The following SPAG9 variants were observed in gnomAD, a reference collection of about 807,000 sequenced individuals.
SPAG9 encodes the protein C-Jun-amino-terminal kinase-interacting protein 4.
SPAG9 carries 35 observed loss-of-function variants against 166.5 expected under a neutral mutation model. The ratio of observed to expected loss-of-function variants is 0.21; its 90% CI spans 0.16 to 0.28. The LOEUF (loss-of-function observed/expected upper bound fraction) is 0.28. SPAG9 is among the 10% of genes least tolerant of loss of function. The probability of loss-of-function intolerance (pLI) is 1.00; values close to 1 mark genes in which losing one functional copy is unlikely to be tolerated. For synonymous variants in SPAG9, 534 were observed against 565.5 expected (o/e 0.94, Z 0.79); for missense variants, 1,235 against 1,603.3 (o/e 0.77, Z 3.92).
chr17:51,095,974 G>GATATATATATAGTGAT (rs2048620514), intron 1 of SPAG9, among the ~76,000 whole-genome samples: 1 of 84,562 alleles, frequency 1.2e-5, no homozygotes, highest in African/African-American at 4.4e-5. Flanking sequence ...TATATATAGT[G>GATATATATATAGTGAT]ATATATATAT....
chr17:51,087,633 T>C (rs1383212751), intron 1 of SPAG9, among the ~76,000 whole-genome samples: 2 of 152,188 alleles, frequency 1.3e-5, no homozygotes, highest in African/African-American at 2.4e-5. Context: ...TCAGAGATCT[T>C]AGTTGGGCTG....
chr17:51,120,729 C>A lies in SPAG9; in HGVS notation c.-73G>T. The A allele has an allele frequency of 7.3e-7, 1 of 1,369,964 alleles. No homozygotes were observed. The allele number at this position is 1,369,964 out of a possible 1,614,324, so 84.9% of individuals were successfully genotyped here. A position where few individuals can be genotyped will look rare whatever the true frequency, so the allele number is the denominator to read the frequency against. ...GCGGCACCTGCCCGCACGGGACGGA[C>A]CCGACTCGGGCTGGGACGGGTACTA... On this transcript the variant is annotated 5_prime_UTR_variant, in exon 1 of 30. Coordinates refer to ENST00000262013, the MANE Select transcript of SPAG9 (RefSeq NM_001130528.3). This position sits in a 1 kb window ranked among gnomAD's most constrained non-coding sequence, Gnocchi z 4.7.
intron 9 of SPAG9, among the ~76,000 whole-genome samples, 189 bp downstream of exon 9, chr17:51,014,043 C>T (rs1173208760): frequency 1.3e-5 from 2 of 152,096 alleles, no homozygotes; most frequent in African/African-American, 4.8e-5. Flanking sequence ...TTTAAGCATA[C>T]CCATATGCAA....
chr17:51,108,837 AT>A (rs935654154), intron 1 of SPAG9, among the ~76,000 whole-genome samples: 118 of 150,154 alleles, frequency 7.9e-4, no homozygotes, highest in Non-Finnish European at 1.5e-3. Context: ...ATTTATTTTT[AT>A]TTTTTTTTGA....
At chr17:51,030,162 T>C (rs1162259158) in intron 6 of SPAG9, among the ~76,000 whole-genome samples, 1 of 152,228 alleles carries the variant, frequency 6.6e-6, no homozygotes, top group Non-Finnish European at 1.5e-5. Flanking sequence ...CTTAGTGCTA[T>C]ACAGAATATA....
rs1189742367 is a variant in SPAG9 at position 51,046,900 on chromosome 17, G to A, written c.590+475C>T. On this transcript the variant is annotated intron_variant, in intron 4 of 29. Transcript: ENST00000262013. The stretch of plus-strand genomic sequence containing the variant: ...ATGCAGCAACCCCAAGCGACAGCCA[G>A]CCTATTAACTATTTTCCCCTCCACT... The A allele has an allele frequency of 2.0e-6, 3 of 1,511,828 alleles. No homozygotes were observed. The Admixed American group carries it at 6.0e-5, about 30-fold the overall frequency. 93.7% of individuals were successfully genotyped at this position (1,511,828 alleles called of 1,614,324 possible).
In SPAG9 at chr17:50,979,926, G is replaced by T. The variant is rs376947754; in HGVS notation, c.3238-9C>A. On this transcript the variant is annotated splice_polypyrimidine_tract_variant and intron_variant, in intron 25 of 29. Coordinates refer to ENST00000262013, the MANE Select transcript of SPAG9 (RefSeq NM_001130528.3). ...TGTGCATCAAAAGATTTCTAGGAGA[G>T]ATTGTCCAATCACAAAGTTACTTTT... 360 of 1,605,762 alleles carry T rather than the reference G, an allele frequency of 2.2e-4. No homozygotes were observed. The highest frequency in any genetic ancestry group is 3.0e-4 in the Non-Finnish European group (353 of 1,172,898).
intron 24 of SPAG9, among the ~76,000 whole-genome samples, chr17:50,984,365 GA>G (rs1245142881): frequency 2.0e-5 from 3 of 152,078 alleles, no homozygotes; most frequent in Admixed American, 6.5e-5. Context: ...GTATATGAAT[GA>G]AAAACAAATG....
chr17:51,055,389 G>C (rs576678514), intron 3 of SPAG9, among the ~76,000 whole-genome samples: 10 of 152,024 alleles, frequency 6.6e-5, no homozygotes, highest in African/African-American at 2.2e-4. Flanking sequence ...ACAGAATATA[G>C]CTACAATATA....
intron 3 of SPAG9, among the ~76,000 whole-genome samples, chr17:51,053,977 C>T (rs1315617146): frequency 7.0e-6 from 1 of 142,202 alleles, no homozygotes; most frequent in Non-Finnish European, 1.5e-5. Context: ...ATTGTTTAGG[C>T]ACTGAGATGA....
chr17:51,020,179 G>A lies in SPAG9; in HGVS notation c.1071C>T (p.Leu357=). The A allele has an allele frequency of 6.2e-7, 1 of 1,611,044 alleles. No individual in the cohort carries two copies. The highest frequency in any genetic ancestry group is 8.5e-7 in the Non-Finnish European group (1 of 1,177,324). Residue 357 remains leucine, a synonymous_variant, in exon 8 of 30, where the codon CTC becomes CTT. Coordinates refer to ENST00000262013, the MANE Select transcript of SPAG9 (RefSeq NM_001130528.3). ...GTTACCTTGAACCTTTATATCCACTGAGATCTTTGTCCATATCCAGCTCAG... is the reference window on the plus strand; with the variant it reads ...GTTACCTTGAACCTTTATATCCACTAAGATCTTTGTCCATATCCAGCTCAG... ...STPELDMDKD[L]SGYKGSSTPT... is the part of the protein sequence containing the mutation.
In SPAG9 at chr17:51,004,189, T is replaced by C. The variant is rs1421523683; in HGVS notation, c.1476+1023A>G. Among the ~76,000 whole-genome samples the C allele has an allele frequency of 2.0e-5, 3 of 152,140 alleles. No homozygotes were observed. In the East Asian group the frequency reaches 5.8e-4, roughly 29 times the overall value. Reference sequence around the variant, plus strand: ...TTTTAAGTTAAGCAAATGATAAATATAGGATAGCAGCTTTCTCTGCAGGGG... The same window carrying C: ...TTTTAAGTTAAGCAAATGATAAATACAGGATAGCAGCTTTCTCTGCAGGGG... On this transcript the variant is annotated intron_variant, in intron 12 of 29. Coordinates refer to ENST00000262013, the MANE Select transcript of SPAG9 (RefSeq NM_001130528.3).
In SPAG9 at chr17:51,065,872, A is replaced by G. The variant is rs2047648476; in HGVS notation, c.425-9390T>C. On this transcript the variant is annotated intron_variant, in intron 2 of 29. Transcript: ENST00000262013. ...CTTAATGCAGGTAAGACAAACTTAGAAGCTATAAAGGGGGAAATGCCCATG... is the reference window on the plus strand; with the variant it reads ...CTTAATGCAGGTAAGACAAACTTAGGAGCTATAAAGGGGGAAATGCCCATG... Among the ~76,000 whole-genome samples, 3 of 152,240 alleles carry G rather than the reference A, an allele frequency of 2.0e-5. No homozygotes were observed. The South Asian group carries it at 6.2e-4, about 32-fold the overall frequency.
rs2044785393 is a variant in SPAG9, at chr17:50,998,628, A to G, written c.1665-11T>C. Reference sequence around the variant, plus strand: ...AAAAGTCGGCTGAAACTAAAAGAAGACAGTATGTCTGTGTGTCACATGTAC... The same window carrying G: ...AAAAGTCGGCTGAAACTAAAAGAAGGCAGTATGTCTGTGTGTCACATGTAC... On this transcript the variant is annotated splice_polypyrimidine_tract_variant and intron_variant, in intron 14 of 29. Coordinates refer to ENST00000262013, the MANE Select transcript of SPAG9 (RefSeq NM_001130528.3). 6.2e-7 allele frequency: 1 copy of G among 1,613,340 alleles called. No homozygotes were observed. The highest frequency in any genetic ancestry group is 1.1e-5 in the South Asian group (1 of 91,056).
intron 9 of SPAG9, among the ~76,000 whole-genome samples, chr17:51,012,309 T>A (rs777624184): frequency 6.6e-6 from 1 of 152,148 alleles, no homozygotes; most frequent in Non-Finnish European, 1.5e-5. Context: ...TGGTGGCTCA[T>A]GCCTGTAATC....
intron 2 of SPAG9, among the ~76,000 whole-genome samples, chr17:51,060,884 G>C (rs1201522446): frequency 7.1e-6 from 1 of 140,644 alleles, no homozygotes; most frequent in Non-Finnish European, 1.5e-5. Flanking sequence ...GTCTCACTCT[G>C]TCCCCAGGCT....
chr17:50,987,066 CAAAAGT>C (rs770783322), intron 22 of SPAG9, 40 bp downstream of exon 22: 12 of 1,555,682 alleles, frequency 7.7e-6, no homozygotes, highest in Non-Finnish European at 1.0e-5. Flanking sequence ...ATTTCAAAAG[CAAAAGT>C]AAAACAACAT....
intron 1 of SPAG9, among the ~76,000 whole-genome samples, chr17:51,119,263 A>T (rs539767872): frequency 4.6e-5 from 7 of 152,120 alleles, no homozygotes; most frequent in African/African-American, 1.7e-4. Flanking sequence ...CATCCTAAAA[A>T]CTCTTCAAGT....
At chr17:51,018,626 T>C (rs2045802738) in intron 8 of SPAG9, among the ~76,000 whole-genome samples, 2 of 152,144 alleles carry the variant, frequency 1.3e-5, no homozygotes, top group Admixed American at 6.5e-5. Flanking sequence ...GCAGGAAACA[T>C]GCACAAACTC....
Sources: gnomAD v4.1 joint callset for allele counts (sites outside exome capture counted in the v4.1 genomes callset) on GRCh38, gnomAD v4.1.1 for gene constraint, Gnocchi (gnomAD v3.1) non-coding constraint, MANE v1.5 for transcripts, NCBI Gene and HGNC (gene_info 2026-07-23, HGNC 2026-07-21) for gene names.